The following KCNQ5 variants were observed in gnomAD, a reference collection of about 807,000 sequenced individuals.
KCNQ5 encodes potassium voltage-gated channel subfamily Q member 5.
In KCNQ5, 30 loss-of-function variants were observed where a neutral mutation model predicts 98.2. That is an observed-to-expected ratio of 0.31 (90% CI 0.23 to 0.41). The LOEUF (loss-of-function observed/expected upper bound fraction) is 0.41, where lower values mean the gene tolerates loss of function less well. Ranked by LOEUF, KCNQ5 falls within the 10% of genes least tolerant of loss-of-function variation. The probability of loss-of-function intolerance (pLI) is 1.00; values close to 1 mark genes in which losing one functional copy is unlikely to be tolerated. For synonymous variants in KCNQ5, 458 were observed against 449.4 expected (o/e 1.02, Z -0.24); for missense variants, 835 against 1,182.5 (o/e 0.71, Z 4.31).
At chr6:73,001,152 A>C (rs1769550963) in intron 1 of KCNQ5, among the ~76,000 whole-genome samples, 1 of 152,008 alleles carries the variant, frequency 6.6e-6, no homozygotes, top group South Asian at 2.1e-4. Context: ...TTTTTGGAAC[A>C]CTTCTTGATG....
At chr6:72,956,489 C>CTTTTTTTTTTTTTTTTTTT (rs35114790) in intron 1 of KCNQ5, among the ~76,000 whole-genome samples, 1 of 112,010 alleles carries the variant, frequency 8.9e-6, no homozygotes, top group Admixed American at 8.7e-5. Context: ...TTTCTTTTTT[C>CTTTTTTTTTTTTTTTTTTT]TTTTTTTTTT....
chr6:72,979,187 T>C (rs1768307100), intron 1 of KCNQ5, among the ~76,000 whole-genome samples: 1 of 152,254 alleles, frequency 6.6e-6, no homozygotes, highest in Non-Finnish European at 1.5e-5. Context: ...TTTGGGTATA[T>C]ACCCAGTAAT....
chr6:73,063,721 T>TGATAGATAGATA lies in KCNQ5; in HGVS notation c.617-13568_617-13557dup, dbSNP rs11388162. 8.9e-3 allele frequency among the ~76,000 whole-genome samples: 854 copies of TGATAGATAGATA among 95,994 alleles called. 12 individuals are homozygous for TGATAGATAGATA. Among genetic ancestry groups the TGATAGATAGATA allele is most frequent in the Non-Finnish European group, 0.01 (476 of 45,336 alleles). 63.0% of individuals were successfully genotyped at this position (95,994 alleles called of 152,430 possible). On this transcript the variant is annotated intron_variant, in intron 3 of 13. Coordinates refer to ENST00000370398, the MANE Select transcript of KCNQ5 (RefSeq NM_019842.4). ...ATAGATAGATAGATAGATAGATAGA[T>TGATAGATAGATA]GATAGATAGATAGATAGATAGATAG...
chr6:72,906,107 T>TACATAACTTCCA (rs1779688766), intron 1 of KCNQ5, among the ~76,000 whole-genome samples: 3 of 151,962 alleles, frequency 2.0e-5, no homozygotes, highest in Non-Finnish European at 4.4e-5. Context: ...GGTTTCCAGG[T>TACATAACTTCCA]TAATAGAGTT....
In KCNQ5 at chr6:73,109,068, T is replaced by G. The variant is rs139255626; in HGVS notation, c.1030-2240T>G. 2.3e-3 allele frequency among the ~76,000 whole-genome samples: 353 copies of G among 152,240 alleles called. 2 individuals carry two copies. The highest frequency in any genetic ancestry group is 8.3e-3 in the African/African-American group (343 of 41,542). On this transcript the variant is annotated intron_variant, in intron 6 of 13. Coordinates refer to ENST00000370398, the MANE Select transcript of KCNQ5 (RefSeq NM_019842.4). Reference sequence around the variant, plus strand: ...ACTTCTGTTTAGGTGCACCAAGCTGTGTACTAAGAGAGAGGTGGAAAAAAA... The same window carrying G: ...ACTTCTGTTTAGGTGCACCAAGCTGGGTACTAAGAGAGAGGTGGAAAAAAA...
chr6:72,786,681 C>T (rs2154478060), intron 1 of KCNQ5, among the ~76,000 whole-genome samples: 1 of 152,252 alleles, frequency 6.6e-6, no homozygotes, highest in African/African-American at 2.4e-5. Context: ...TGGCCTCTCA[C>T]AACAGAAATC....
intron 9 of KCNQ5, among the ~76,000 whole-genome samples, chr6:73,128,944 G>T (rs1381331337): frequency 1.3e-5 from 2 of 152,208 alleles, no homozygotes; most frequent in Non-Finnish European, 2.9e-5. Flanking sequence ...GAAGCTGTGT[G>T]TGGCTCTTGG....
At chr6:73,058,391 C>T (rs1040884816) in intron 3 of KCNQ5, among the ~76,000 whole-genome samples, 12 of 151,814 alleles carry the variant, frequency 7.9e-5, no homozygotes, top group Admixed American at 2.0e-4. Flanking sequence ...CCAGCCTGGG[C>T]GACAGCGAGA....
At chr6:72,652,452 T>C (rs1382559018) in intron 1 of KCNQ5, among the ~76,000 whole-genome samples, 1 of 151,736 alleles carries the variant, frequency 6.6e-6, no homozygotes, top group Non-Finnish European at 1.5e-5. Flanking sequence ...TTACCTTTTC[T>C]CCTCCCTCTT....
At chr6:73,166,990 G>A (rs1394516415) in intron 10 of KCNQ5, among the ~76,000 whole-genome samples, 3 of 152,078 alleles carry the variant, frequency 2.0e-5, no homozygotes, top group Non-Finnish European at 2.9e-5. Context: ...GTCATATTCC[G>A]ATGTTCCACG....
chr6:72,661,653 T>G (rs575355369), intron 1 of KCNQ5, among the ~76,000 whole-genome samples: 28 of 152,294 alleles, frequency 1.8e-4, no homozygotes, highest in African/African-American at 6.0e-4. Flanking sequence ...TATGTATCAC[T>G]AGAGTGTAGT....
At chr6:73,072,256 C>G (rs1294668040) in intron 3 of KCNQ5, among the ~76,000 whole-genome samples, 4 of 152,194 alleles carry the variant, frequency 2.6e-5, no homozygotes, top group Non-Finnish European at 4.4e-5. Flanking sequence ...TTGTGGCTTA[C>G]TTACCTCGAG....
At chr6:72,962,212 T>TATACACAC (rs1767399315) in intron 1 of KCNQ5, among the ~76,000 whole-genome samples, 1 of 141,186 alleles carries the variant, frequency 7.1e-6, no homozygotes, top group Non-Finnish European at 1.5e-5. Context: ...CATATATATA[T>TATACACAC]ATATACACAC....
chr6:72,713,058 T>C (rs1232291748), intron 1 of KCNQ5, among the ~76,000 whole-genome samples: 2 of 152,156 alleles, frequency 1.3e-5, no homozygotes, highest in African/African-American at 2.4e-5. Flanking sequence ...AATAAATGAA[T>C]ACATGCTTAA....
intron 1 of KCNQ5, among the ~76,000 whole-genome samples, chr6:72,680,555 A>G (rs73756006): frequency 0.056 from 8,579 of 152,256 alleles, 766 homozygotes; most frequent in African/African-American, 0.19. Context: ...CTCAAATTAA[A>G]CAAAATCACA....
chr6:73,044,909 G>A (rs1420497959), intron 3 of KCNQ5, among the ~76,000 whole-genome samples: 2 of 152,298 alleles, frequency 1.3e-5, no homozygotes, highest in South Asian at 2.1e-4. Flanking sequence ...GAAGTGTTGA[G>A]CATTCGAGAA....
intron 1 of KCNQ5, among the ~76,000 whole-genome samples, chr6:72,876,478 C>T (rs555345207): frequency 1.3e-5 from 2 of 152,118 alleles, no homozygotes; most frequent in South Asian, 4.1e-4. Context: ...AAACAATAAG[C>T]CTAAGTGGAT....
chr6:73,175,850 A>G (rs1778192928), intron 11 of KCNQ5, among the ~76,000 whole-genome samples: 1 of 152,206 alleles, frequency 6.6e-6, no homozygotes, highest in Admixed American at 6.5e-5. Context: ...CTATATCGGC[A>G]CTTTTGGGGA....
intron 1 of KCNQ5, among the ~76,000 whole-genome samples, chr6:72,641,287 C>G (rs1378424184): frequency 6.6e-6 from 1 of 151,876 alleles, no homozygotes; most frequent in African/African-American, 2.4e-5. Flanking sequence ...CATGAGGAAT[C>G]CAAAATCATC....
Sources: allele counts gnomAD v4.1 joint callset (sites outside exome capture counted in the v4.1 genomes callset), GRCh38; gene constraint gnomAD v4.1.1; transcripts MANE v1.5; gene names NCBI Gene and HGNC (gene_info 2026-07-23, HGNC 2026-07-21).